Variants in ADGRV1 observed in about 807,000 individuals in gnomAD.
The protein encoded by ADGRV1 is adhesion G protein-coupled receptor V1.
A neutral mutation model predicts 596.2 loss-of-function variants in ADGRV1; 359 were observed. The ratio of observed to expected loss-of-function variants is 0.60; its 90% CI spans 0.55 to 0.66. The LOEUF (loss-of-function observed/expected upper bound fraction) is 0.66, where lower values mean the gene tolerates loss of function less well. Ranked by LOEUF, ADGRV1 falls within the 30% of genes least tolerant of loss-of-function variation. The pLI is 0.00. For synonymous variants in ADGRV1, 2,681 were observed against 2,679.2 expected (o/e 1.00, Z -0.02); for missense variants, 7,274 against 7,575.6 (o/e 0.96, Z 1.48).
intron 22 of ADGRV1, 44 bp downstream of exon 22, chr5:90,672,766 C>T: frequency 1.4e-6 from 2 of 1,428,408 alleles, no homozygotes; most frequent in East Asian, 4.7e-5. Context: ...TCCTGGAAAG[C>T]TTTTCCTGAA....
At chr5:90,778,083 C>T in intron 62 of ADGRV1, 40 bp downstream of exon 62, 1 of 1,540,576 alleles carries the variant, frequency 6.5e-7, no homozygotes, top group South Asian at 1.2e-5. Context: ...CCTTTACTCT[C>T]TGTGCTGGTG....
intron 70 of ADGRV1, among the ~76,000 whole-genome samples, chr5:90,797,386 G>T (rs551706624): frequency 5.3e-5 from 8 of 150,880 alleles, no homozygotes; most frequent in African/African-American, 1.5e-4. Context: ...AAGAAGGCCA[G>T]TACATAATGG....
In ADGRV1 at chr5:90,651,994, A is replaced by G. The variant is rs189786627; in HGVS notation, c.3416+264A>G. On this transcript the variant is annotated intron_variant, in intron 18 of 89. Transcript: ENST00000405460. The stretch of plus-strand genomic sequence containing the variant: ...TCCTTTGTGAGACTGAGAAACTTGA[A>G]TTATTCAAGATCTTCAGGAACTCTT... Among the ~76,000 whole-genome samples, 250 of 151,438 alleles carry G rather than the reference A, an allele frequency of 1.7e-3. 1 individual carries two copies. Among genetic ancestry groups the G allele is most frequent in the Non-Finnish European group, 2.9e-3 (197 of 67,920 alleles).
At position 90,916,854 on chromosome 5, in the gene ADGRV1, G is replaced by A. The variant is rs370360727; in HGVS notation, c.17857-48561G>A. 3.6e-3 allele frequency among the ~76,000 whole-genome samples: 553 copies of A among 151,720 alleles called. 7 individuals carry two copies. The highest frequency in any genetic ancestry group is 0.035 in the East Asian group (180 of 5,154). ...TCACCGTTTTAGCCAGGATGGTCTC[G>A]ATCTCCTGACCTCGTGATCCGCCCG... On this transcript the variant is annotated intron_variant, in intron 83 of 89. Transcript: ENST00000405460.
chr5:90,880,413 G>A (rs971222706), intron 83 of ADGRV1, among the ~76,000 whole-genome samples: 2 of 152,182 alleles, frequency 1.3e-5, no homozygotes, highest in Non-Finnish European at 1.5e-5. Context: ...GGTGGAGCTT[G>A]CCTCTCAGTG....
rs926218257 is a variant in ADGRV1, at chr5:90,622,594, T to C, written c.454-3T>C. On this transcript the variant is annotated splice_polypyrimidine_tract_variant and splice_region_variant and intron_variant, in intron 4 of 89. Transcript: ENST00000405460. ...GATCATCTGTGCTTGCTTTCCTCAATAGCTTCCCTCAATCGCAGTGAGTGA... is the reference window on the plus strand; with the variant it reads ...GATCATCTGTGCTTGCTTTCCTCAACAGCTTCCCTCAATCGCAGTGAGTGA... 7.1e-6 allele frequency: 10 copies of C among 1,417,514 alleles called. No individual in the cohort carries two copies. The highest frequency in any genetic ancestry group is 9.3e-6 in the Non-Finnish European group (10 of 1,075,722). The allele number at this position is 1,417,514 out of a possible 1,614,324, so 87.8% of individuals were successfully genotyped here.
intron 78 of ADGRV1, among the ~76,000 whole-genome samples, chr5:90,843,695 G>A (rs763972167): frequency 6.6e-6 from 1 of 152,118 alleles, no homozygotes; most frequent in African/African-American, 2.4e-5. Flanking sequence ...ATTTCTCTTA[G>A]CATACACCAA....
At chr5:90,832,485 A>G (rs1392300874) in intron 77 of ADGRV1, among the ~76,000 whole-genome samples, 1 of 152,056 alleles carries the variant, frequency 6.6e-6, no homozygotes, top group Non-Finnish European at 1.5e-5. Context: ...TGAGCTCCTT[A>G]TATATTCTAG....
chr5:91,115,296 A>G (rs184077631), intron 87 of ADGRV1, among the ~76,000 whole-genome samples: 1 of 152,348 alleles, frequency 6.6e-6, no homozygotes, highest in East Asian at 1.9e-4. Context: ...ATCTCAATAC[A>G]TTTATTTCAA....
intron 85 of ADGRV1, among the ~76,000 whole-genome samples, chr5:91,029,993 A>G (rs1217903972): frequency 1.3e-5 from 2 of 152,138 alleles, no homozygotes; most frequent in African/African-American, 4.8e-5. Flanking sequence ...AGAGGGATCT[A>G]CTTTTTAAAA....
intron 83 of ADGRV1, among the ~76,000 whole-genome samples, chr5:90,938,808 A>C (rs1177115632): frequency 6.6e-6 from 1 of 152,184 alleles, no homozygotes; most frequent in East Asian, 1.9e-4. Flanking sequence ...TTTATTTTAC[A>C]AAGTATTGGT....
chr5:90,857,911 T>A (rs1193636321), intron 82 of ADGRV1, among the ~76,000 whole-genome samples: 1 of 152,210 alleles, frequency 6.6e-6, no homozygotes, highest in Non-Finnish European at 1.5e-5. Context: ...TACGGCAGTA[T>A]ACAATTAGAC....
In ADGRV1 at chr5:90,586,165, C is replaced by T. The variant is rs530742624; in HGVS notation, c.22+27248C>T. 3.2e-4 allele frequency among the ~76,000 whole-genome samples: 49 copies of T among 152,158 alleles called. 1 individual carries two copies. Among genetic ancestry groups the T allele is most frequent in the African/African-American group, 1.1e-3 (46 of 41,524 alleles). On this transcript the variant is annotated intron_variant, in intron 1 of 89. Coordinates refer to ENST00000405460, the MANE Select transcript of ADGRV1 (RefSeq NM_032119.4). ...CAAAAGTAGAATAGTAAAATGAGCC[C>T]CTTTTTACCTCCGACTTAGAATTAG... is the stretch of plus-strand genomic sequence containing the variant.
At chr5:90,988,582 A>G (rs750937066) in intron 85 of ADGRV1, among the ~76,000 whole-genome samples, 2 of 151,812 alleles carry the variant, frequency 1.3e-5, no homozygotes, top group African/African-American at 4.8e-5. Context: ...TGAGCTCCAT[A>G]CCCATATTAT....
chr5:90,667,529 T>A (rs1771650231), intron 21 of ADGRV1, among the ~76,000 whole-genome samples: 2 of 147,930 alleles, frequency 1.4e-5, no homozygotes, highest in Admixed American at 1.4e-4. Context: ...TTTTTCAAAG[T>A]TTTCAACTTC....
At chr5:90,886,082 A>G (rs1770252655) in intron 83 of ADGRV1, among the ~76,000 whole-genome samples, 1 of 152,228 alleles carries the variant, frequency 6.6e-6, no homozygotes, top group Non-Finnish European at 1.5e-5. Context: ...TGTTGCTGAC[A>G]TAATCCATAT....
At chr5:90,710,069 T>G (rs1393897608) in intron 39 of ADGRV1, among the ~76,000 whole-genome samples, 1 of 152,192 alleles carries the variant, frequency 6.6e-6, no homozygotes, top group African/African-American at 2.4e-5. Flanking sequence ...CTTTTTAGCC[T>G]CTTGTCTGAT....
chr5:91,093,090 T>C (rs991016616), intron 86 of ADGRV1, among the ~76,000 whole-genome samples: 3 of 152,200 alleles, frequency 2.0e-5, no homozygotes, highest in Admixed American at 6.5e-5. Context: ...AACTAATACT[T>C]ACCAAATTGA....
intron 78 of ADGRV1, among the ~76,000 whole-genome samples, chr5:90,847,940 G>C (rs1049889858): frequency 6.6e-6 from 1 of 152,184 alleles, no homozygotes; most frequent in Non-Finnish European, 1.5e-5. Flanking sequence ...CTCCTCAAGC[G>C]CGGCCAGAGT....
Sources: allele counts gnomAD v4.1 joint callset (sites outside exome capture counted in the v4.1 genomes callset), GRCh38; gene constraint gnomAD v4.1.1; transcripts MANE v1.5; gene names NCBI Gene and HGNC (gene_info 2026-07-23, HGNC 2026-07-21).